TTLL10: variants seen among roughly 807,000 people sequenced by gnomAD.
TTLL10 encodes the protein inactive polyglycylase TTLL10.
In TTLL10, 61 loss-of-function variants were observed where a neutral mutation model predicts 69.0. The ratio of observed to expected loss-of-function variants is 0.88; its 90% CI spans 0.72 to 1.09. TTLL10 has a LOEUF of 1.09. TTLL10 is among the 50% of genes least tolerant of loss of function. The pLI, the probability that TTLL10 is intolerant of heterozygous loss-of-function variation, is 0.00. For missense variants in TTLL10, 962 were observed against 945.9 expected (o/e 1.02, Z -0.22); for synonymous variants, 408 against 393.3 (o/e 1.04, Z -0.44).
chr1:1,187,491 G>A (rs765627317), intron 13 of TTLL10, among the ~76,000 whole-genome samples: 28 of 152,158 alleles, frequency 1.8e-4, no homozygotes, highest in South Asian at 4.1e-4. Flanking sequence ...TTAGCCAGGC[G>A]TGGTGGTGGG....
intron 13 of TTLL10, among the ~76,000 whole-genome samples, chr1:1,195,066 G>T (rs1648100941): frequency 6.6e-6 from 1 of 152,126 alleles, no homozygotes; most frequent in African/African-American, 2.4e-5. Flanking sequence ...TCAGCTCACT[G>T]CAGCCTCCTC....
chr1:1,176,463 C>A, intron 3 of TTLL10: 1 of 451,330 alleles, frequency 2.2e-6, no homozygotes, highest in South Asian at 1.6e-5. Flanking sequence ...TGACAGCTCA[C>A]TCCTGTGAGA....
rs895342067 is a variant in TTLL10, at chr1:1,183,193, G to A, written c.1088+146G>A. 3.3e-5 allele frequency: 35 copies of A among 1,046,148 alleles called. No individual in the cohort carries two copies. The Admixed American group carries it at 3.8e-4, about 11-fold the overall frequency. 64.8% of individuals were successfully genotyped at this position (1,046,148 alleles called of 1,614,324 possible). A position where few individuals can be genotyped will look rare whatever the true frequency, so the allele number is the denominator to read the frequency against. On this transcript the variant is annotated intron_variant, in intron 11 of 15. Transcript: ENST00000379289. ...CTGTGCAGACCACAGCCGGGCCCCCGTGTAGCCAGCAGAGGGGAGGGGTCA... is the reference window on the plus strand; with the variant it reads ...CTGTGCAGACCACAGCCGGGCCCCCATGTAGCCAGCAGAGGGGAGGGGTCA...
intron 13 of TTLL10, among the ~76,000 whole-genome samples, chr1:1,196,014 A>C (rs143570933): frequency 8.1e-6 from 1 of 123,946 alleles, no homozygotes; most frequent in African/African-American, 3.1e-5. Context: ...GAGCTCAAGC[A>C]ATCCTCCTGC....
chr1:1,187,089 G>A (rs1393303250), intron 13 of TTLL10, among the ~76,000 whole-genome samples: 7 of 151,750 alleles, frequency 4.6e-5, no homozygotes, highest in African/African-American at 1.2e-4. Flanking sequence ...CTCGTGATCT[G>A]CCCGCCTCGG....
intron 13 of TTLL10, among the ~76,000 whole-genome samples, chr1:1,195,444 T>C (rs1194230164): frequency 1.3e-5 from 2 of 151,778 alleles, no homozygotes; most frequent in African/African-American, 4.8e-5. Context: ...TTCTCTTTTA[T>C]AATTTTTCTC....
chr1:1,197,336 CCCACA>C (rs1196826239), intron 15 of TTLL10, 97 bp from the exon 16 acceptor site: 1 of 1,276,732 alleles, frequency 7.8e-7, no homozygotes, highest in South Asian at 1.4e-5. Context: ...CCCAACCTTC[CCCACA>C]CCTCAGCTCA....
In TTLL10 at chr1:1,180,549, G is replaced by A. The variant is rs201215569; in HGVS notation, c.573G>A (p.Thr191=). ...ATGACAGCCGCCGGGACGACTACAC[G>A]CTGAAGTGGTGTGAGGTCAAGAGCC... ...RIHDSRRDDY[T]LKWCEVKSRD... is the part of the protein sequence containing the mutation. The change falls in exon 7 of 16, where the codon ACG becomes ACA. Residue 191 remains threonine (T), a synonymous_variant. Coordinates refer to ENST00000379289, the MANE Select transcript of TTLL10 (RefSeq NM_001130045.2). The A allele has an allele frequency of 4.5e-5, 70 of 1,550,930 alleles. No individual in the cohort carries two copies. Among genetic ancestry groups the A allele is most frequent in the South Asian group, 2.4e-5 (2 of 84,058 alleles).
intron 8 of TTLL10, 116 bp downstream of exon 8, chr1:1,180,976 GCC>G: frequency 1.0e-6 from 1 of 964,720 alleles, no homozygotes; most frequent in Non-Finnish European, 1.4e-6. Flanking sequence ...CCTTGCCCCT[GCC>G]CCTGGCCACC....
intron 13 of TTLL10, among the ~76,000 whole-genome samples, chr1:1,194,327 A>G (rs11260555): frequency 0.13 from 20,485 of 152,190 alleles, 2,550 homozygotes; most frequent in East Asian, 0.6. Context: ...ATTTGTGTCC[A>G]TCAACATGGA....
Position 1,197,717 on chromosome 1 carries a change from G to A in TTLL10, c.1892G>A (p.Ser631Asn). 1 of 1,530,012 alleles carries A rather than the reference G, an allele frequency of 6.5e-7. No homozygotes were observed. Among genetic ancestry groups the A allele is most frequent in the Non-Finnish European group, 8.8e-7 (1 of 1,142,022 alleles). 94.8% of individuals were successfully genotyped at this position (1,530,012 alleles called of 1,614,324 possible). ...RPRPPGPDLD[S>N]AHDGEPQAPG... ...CGGCCACCCGGCCCCGACCTGGACA[G>A]CGCCCACGATGGGGAGCCCCAGGCC... The change falls in exon 16 of 16, where the codon AGC becomes AAC. Residue 631 changes from serine (S) to asparagine (N), a missense_variant. Physicochemically the swap from Ser to Asn is conservative, Grantham distance 46 (BLOSUM62 1). Transcript: ENST00000379289.
chr1:1,187,071 C>T (rs1250418944), intron 13 of TTLL10, among the ~76,000 whole-genome samples: 1 of 151,764 alleles, frequency 6.6e-6, no homozygotes, highest in Non-Finnish European at 1.5e-5. Context: ...TGGTCTCGAT[C>T]TCCTGACCTC....
At position 1,192,259 on chromosome 1, in the gene TTLL10, GGTGT is replaced by G. The variant is rs1218735791; in HGVS notation, c.1402-4336_1402-4333del. Among the ~76,000 whole-genome samples, 13 of 152,336 alleles carry G rather than the reference GGTGT, an allele frequency of 8.5e-5. No homozygotes were observed. In the East Asian group the frequency reaches 2.1e-3, roughly 25 times the overall value. The stretch of plus-strand genomic sequence containing the variant: ...TGTATATTTCGAGGCTCTGTTGTTG[GGTGT>G]GTGTATGTTTATGATTATTAGATCT... On this transcript the variant is annotated intron_variant, in intron 13 of 15. Transcript: ENST00000379289.
chr1:1,192,369 G>T lies in TTLL10; in HGVS notation c.1402-4231G>T, dbSNP rs149820203. Among the ~76,000 whole-genome samples the T allele has an allele frequency of 2.6e-3, 389 of 151,240 alleles. 3 individuals are homozygous for T. Among genetic ancestry groups the T allele is most frequent in the African/African-American group, 9.1e-3 (368 of 40,584 alleles). On this transcript the variant is annotated intron_variant, in intron 13 of 15. Transcript: ENST00000379289. ...AAAGTCTATTTTCTGTGATATGAGT[G>T]TAGACACTCCAGTTGGTATAAGTGT...
intron 13 of TTLL10, among the ~76,000 whole-genome samples, chr1:1,193,508 G>C (rs1234863729): frequency 6.6e-6 from 1 of 151,132 alleles, no homozygotes; most frequent in East Asian, 2.0e-4. Flanking sequence ...TTGTTGCCCA[G>C]GCTGGAGTGC....
chr1:1,192,996 T>C (rs1647936633), intron 13 of TTLL10, among the ~76,000 whole-genome samples: 1 of 152,274 alleles, frequency 6.6e-6, no homozygotes, highest in Admixed American at 6.5e-5. Flanking sequence ...TCAATGTCTA[T>C]TAATTGGAAA....
intron 13 of TTLL10, among the ~76,000 whole-genome samples, chr1:1,195,345 A>G (rs1025527665): frequency 7.2e-5 from 11 of 151,986 alleles, no homozygotes; most frequent in Non-Finnish European, 1.6e-4. Flanking sequence ...CTATCTGCAA[A>G]CAATTCAAAT....
intron 15 of TTLL10, 40 bp from the exon 16 acceptor site, chr1:1,197,398 C>G (rs767409463): frequency 2.4e-5 from 34 of 1,410,274 alleles, no homozygotes; most frequent in Admixed American, 7.1e-5. Context: ...CAGCCCCAGC[C>G]TCTGCCCCCC....
At chr1:1,178,856 C>T (rs1646950927) in intron 3 of TTLL10, among the ~76,000 whole-genome samples, 1 of 152,208 alleles carries the variant, frequency 6.6e-6, no homozygotes, top group Admixed American at 6.5e-5. Context: ...ACCCTCCATT[C>T]TTCAGGCAGG....
Sources: gnomAD v4.1 joint callset for allele counts (sites outside exome capture counted in the v4.1 genomes callset) on GRCh38, gnomAD v4.1.1 for gene constraint, MANE v1.5 for transcripts, NCBI Gene and HGNC (gene_info 2026-07-23, HGNC 2026-07-21) for gene names.